Variants in HNF1A observed in about 807,000 individuals in gnomAD.
HNF1A encodes hepatocyte nuclear factor 1-alpha.
In HNF1A, 21 loss-of-function variants were observed where a neutral mutation model predicts 62.2. That is an observed-to-expected ratio of 0.34 (90% confidence interval 0.24 to 0.49). HNF1A has a LOEUF of 0.49. HNF1A is among the 20% of genes least tolerant of loss of function. The probability of loss-of-function intolerance (pLI) is 0.99; values close to 1 mark genes in which losing one functional copy is unlikely to be tolerated. For synonymous variants in HNF1A, 374 were observed against 366.8 expected (o/e 1.02, Z -0.22); for missense variants, 687 against 832.3 (o/e 0.83, Z 2.15).
At chr12:120,989,457 A>C (rs964041921) in intron 2 of HNF1A, among the ~76,000 whole-genome samples, 1 of 151,982 alleles carries the variant, frequency 6.6e-6, no homozygotes, top group Admixed American at 6.6e-5. Context: ...CGGGGGTTTC[A>C]CCATGTTGGC....
At chr12:120,994,133 C>G (rs1254100062) in intron 3 of HNF1A, 31 bp from the exon 4 acceptor site, 106 of 1,608,002 alleles carry the variant, frequency 6.6e-5, no homozygotes, top group Non-Finnish European at 9.0e-5. Context: ...CTGAGCCTGG[C>G]CTGGAGGCTC....
At chr12:120,998,521 G>A (rs572214397) in intron 7 of HNF1A, among the ~76,000 whole-genome samples, 1 of 152,222 alleles carries the variant, frequency 6.6e-6, no homozygotes, top group East Asian at 1.9e-4. Flanking sequence ...AGACCTTTTT[G>A]GAATTTGGGA....
At chr12:120,997,294 A>G (rs1877159514) in intron 6 of HNF1A, 180 bp from the exon 7 acceptor site, 1 of 1,397,110 alleles carries the variant, frequency 7.2e-7, no homozygotes, top group Non-Finnish European at 9.4e-7. Context: ...GAGAGGGGGA[A>G]TGACTTGCCA....
rs1367286130 is a variant in HNF1A at position 120,996,070 on chromosome 12, C to A, written c.956-192C>A. On this transcript the variant is annotated intron_variant, in intron 4 of 9. Transcript: ENST00000257555. The surrounding 1 kb of genome is among the most constrained non-coding windows in gnomAD (Gnocchi z 4.5). The stretch of plus-strand genomic sequence containing the variant: ...ATGGAGCTAATAAATGCAGTCCCAG[C>A]CTTCAAGGAACTGGGAGCAGCTGAC... Among the ~76,000 whole-genome samples, 1 of 152,206 alleles carries A rather than the reference C, an allele frequency of 6.6e-6. No homozygotes were observed. Among genetic ancestry groups the A allele is most frequent in the Non-Finnish European group, 1.5e-5 (1 of 68,050 alleles).
rs200786773 is a variant in HNF1A at position 120,996,222 on chromosome 12, G to C, written c.956-40G>C. The C allele has an allele frequency of 1.9e-6, 3 of 1,612,334 alleles. No homozygotes were observed. The highest frequency in any genetic ancestry group is 2.2e-5 in the South Asian group (2 of 91,020). On this transcript the variant is annotated intron_variant, in intron 4 of 9. Coordinates refer to ENST00000257555, the MANE Select transcript of HNF1A (RefSeq NM_000545.8). This position sits in a 1 kb window ranked among gnomAD's most constrained non-coding sequence, Gnocchi z 4.5. The stretch of plus-strand genomic sequence containing the variant: ...GGCTGTGGAGGCAGGGGAGGGCAGG[G>C]AAGTGGGGTGCTGAGGCAGGACACT...
chr12:120,986,829 C>A (rs1271038909), intron 1 of HNF1A, among the ~76,000 whole-genome samples: 2 of 152,136 alleles, frequency 1.3e-5, no homozygotes, highest in Non-Finnish European at 2.9e-5. Context: ...CCTCAAAAGA[C>A]CCGCCCACCT....
Position 120,979,029 on chromosome 12 carries a change from A to G in HNF1A, c.261A>G (p.Lys87=), listed in dbSNP as rs758690989. ...AAGACTTCACGCCACCCATCCTCAAAGAGCTGGAGAACCTCAGCCCTGAGG... is the reference window on the plus strand; with the variant it reads ...AAGACTTCACGCCACCCATCCTCAAGGAGCTGGAGAACCTCAGCCCTGAGG... ...DGEDFTPPIL[K]ELENLSPEEA... Residue 87 remains lysine (K), a synonymous_variant, in exon 1 of 10, where the codon AAA becomes AAG. Coordinates refer to ENST00000257555, the MANE Select transcript of HNF1A (RefSeq NM_000545.8). 3.6e-5 allele frequency: 58 copies of G among 1,611,726 alleles called. No individual in the cohort carries two copies. Among genetic ancestry groups the G allele is most frequent in the South Asian group, 5.5e-5 (5 of 90,526 alleles).
At chr12:120,997,790 G>A (rs534579147) in intron 7 of HNF1A, 125 bp downstream of exon 7, 55 of 990,034 alleles carry the variant, frequency 5.6e-5, no homozygotes, top group African/African-American at 9.5e-5. Flanking sequence ...GTGTGTTTCC[G>A]TGATTGAGGG....
At chr12:120,982,649 T>C (rs1023402649) in intron 1 of HNF1A, among the ~76,000 whole-genome samples, 4 of 152,162 alleles carry the variant, frequency 2.6e-5, no homozygotes, top group East Asian at 3.8e-4. Flanking sequence ...AGAGTAAACA[T>C]GTAGTAACTG....
chr12:120,987,890 C>A (rs1385767743), intron 1 of HNF1A, among the ~76,000 whole-genome samples: 1 of 152,056 alleles, frequency 6.6e-6, no homozygotes, highest in African/African-American at 2.4e-5. Flanking sequence ...GGGTCTTGTT[C>A]TGTCACCCAG....
At chr12:120,993,061 CT>C (rs1269652051) in intron 2 of HNF1A, among the ~76,000 whole-genome samples, 1 of 152,140 alleles carries the variant, frequency 6.6e-6, no homozygotes, top group African/African-American at 2.4e-5. Context: ...CATTTTAAGC[CT>C]GATTTTCAAG....
chr12:120,978,929 G>A lies in HNF1A; in HGVS notation c.161G>A (p.Arg54Gln), dbSNP rs1338145634. The A allele has an allele frequency of 6.2e-7, 1 of 1,610,286 alleles. No homozygotes were observed. Among genetic ancestry groups the A allele is most frequent in the South Asian group, 1.1e-5 (1 of 90,750 alleles). ...AAGGGGGAGTCCTGCGGCGGCGGTC[G>A]AGGGGAGCTGGCTGAGCTGCCCAAT... is the stretch of plus-strand genomic sequence containing the variant. ...LDKGESCGGG[R>Q]GELAELPNGL... is the part of the protein sequence containing the mutation. Residue 54 changes from arginine (R) to glutamine (Q), a missense_variant, in exon 1 of 10, where the codon CGA becomes CAA. Around this residue, in one of 5 missense-constraint regions of HNF1A, gnomAD observed 159 missense variants for 154.4 expected, o/e 1.03. Transcript: ENST00000257555.
At chr12:120,980,078 G>T (rs541710698) in intron 1 of HNF1A, among the ~76,000 whole-genome samples, 19 of 152,316 alleles carry the variant, frequency 1.2e-4, no homozygotes, top group African/African-American at 4.3e-4. Context: ...CTTCCTGGGC[G>T]CTGTGCTGAG....
rs568935450 is a variant in HNF1A, at chr12:120,987,800, A to G, written c.327-1033A>G. ...TATCTATCTATCTATCTATCTATCT[A>G]TCTATCTATCTACGTGTTTGCACCC... On this transcript the variant is annotated intron_variant, in intron 1 of 9. Transcript: ENST00000257555. Among the ~76,000 whole-genome samples, 45 of 151,840 alleles carry G rather than the reference A, an allele frequency of 3.0e-4. No individual in the cohort carries two copies. The South Asian group carries it at 8.9e-3, about 30-fold the overall frequency.
chr12:120,979,058 C>T lies in HNF1A; in HGVS notation c.290C>T (p.Ala97Val), dbSNP rs374794304. The change falls in exon 1 of 10, where the codon GCG becomes GTG. Residue 97 changes from alanine to valine, a missense_variant. Ala to Val is a moderately conservative substitution (Grantham distance 64). This residue lies in a region of HNF1A where 159 missense variants were observed against 154.4 expected (regional missense o/e 1.03). Transcript: ENST00000257555. ...CTGGAGAACCTCAGCCCTGAGGAGG[C>T]GGCCCACCAGAAAGCCGTGGTGGAG... ...KELENLSPEE[A>V]AHQKAVVETL... 1.8e-5 allele frequency: 29 copies of T among 1,611,826 alleles called. No homozygotes were observed. The highest frequency in any genetic ancestry group is 9.3e-5 in the African/African-American group (7 of 74,904).
In HNF1A at chr12:120,979,102, G is replaced by A; in HGVS notation, c.326+8G>A. 6.2e-7 allele frequency: 1 copy of A among 1,603,262 alleles called. No individual in the cohort carries two copies. On this transcript the variant is annotated splice_region_variant and intron_variant, in intron 1 of 9. Transcript: ENST00000257555. Reference sequence around the variant, plus strand: ...GGTGGAGACCCTTCTGCAGTAAGGAGCCCTGCCCCGTCCCCGCTCCCAGGA... The same window carrying A: ...GGTGGAGACCCTTCTGCAGTAAGGAACCCTGCCCCGTCCCCGCTCCCAGGA...
At chr12:120,987,038 C>T (rs2135829497) in intron 1 of HNF1A, among the ~76,000 whole-genome samples, 1 of 152,286 alleles carries the variant, frequency 6.6e-6, no homozygotes, top group Admixed American at 6.5e-5. Context: ...ACAGCAGAGA[C>T]ATGACTCACA....
rs923368594 is a variant in HNF1A, at chr12:120,978,991, G to A, written c.223G>A (p.Asp75Asn). 2.5e-6 allele frequency: 4 copies of A among 1,608,696 alleles called. No individual in the cohort carries two copies. Among genetic ancestry groups the A allele is most frequent in the Non-Finnish European group, 3.4e-6 (4 of 1,177,766 alleles). ...GACTCGGGGCTCCGAGGACGAGACG[G>A]ACGACGATGGGGAAGACTTCACGCC... ...GETRGSEDET[D>N]DDGEDFTPPI... The change falls in exon 1 of 10, where the codon GAC (aspartate) becomes AAC (asparagine). Residue 75 changes from aspartate (D) to asparagine (N), a missense_variant. Physicochemically the swap from Asp to Asn is conservative, Grantham distance 23. Around this residue, in one of 5 missense-constraint regions of HNF1A, gnomAD observed 159 missense variants for 154.4 expected, o/e 1.03. Transcript: ENST00000257555.
chr12:120,978,687 C>T lies in HNF1A; in HGVS notation c.-82C>T, dbSNP rs752573339. On this transcript the variant is annotated 5_prime_UTR_variant, in exon 1 of 10. Coordinates refer to ENST00000257555, the MANE Select transcript of HNF1A (RefSeq NM_000545.8). ...AGGAGTTTGGTTTGTGTCTGCCGGCCGGCAGGCAAACGCAACCCACGCGGT... is the reference window on the plus strand; with the variant it reads ...AGGAGTTTGGTTTGTGTCTGCCGGCTGGCAGGCAAACGCAACCCACGCGGT... 8.9e-6 allele frequency: 12 copies of T among 1,346,178 alleles called. No individual in the cohort carries two copies. The highest frequency in any genetic ancestry group is 1.8e-4 in the Middle Eastern group (1 of 5,506). 83.4% of individuals were successfully genotyped at this position (1,346,178 alleles called of 1,614,324 possible). A position where few individuals can be genotyped will look rare whatever the true frequency, so the allele number is the denominator to read the frequency against.
Sources: allele counts gnomAD v4.1 joint callset (sites outside exome capture counted in the v4.1 genomes callset), GRCh38; gene constraint gnomAD v4.1.1; regional missense constraint gnomAD v4.1.1; non-coding constraint Gnocchi (gnomAD v3.1); transcripts MANE v1.5; gene names NCBI Gene and HGNC (gene_info 2026-07-23, HGNC 2026-07-21).